FGF2: variants seen among roughly 807,000 people sequenced by gnomAD.
FGF2 encodes basic fibroblast growth factor bFGF.
FGF2 carries 13 observed loss-of-function variants against 15.9 expected under a neutral mutation model. The observed-to-expected ratio is 0.82, with a 90% CI of 0.53 to 1.30. FGF2 has a LOEUF of 1.30. FGF2 is among the 50% of genes most tolerant of loss of function. The pLI, the probability that FGF2 is intolerant of heterozygous loss-of-function variation, is 0.00. For synonymous variants in FGF2, 90 were observed against 78.4 expected, an observed-to-expected ratio of 1.15 and a Z score of -0.78; for missense variants, 163 against 196.9, an observed-to-expected ratio of 0.83 and a Z score of 1.03.
At chr4:122,885,306 C>A (rs1727034128) in intron 2 of FGF2, among the ~76,000 whole-genome samples, 1 of 152,144 alleles carries the variant, frequency 6.6e-6, no homozygotes, top group South Asian at 2.1e-4. Context: ...ATGTGCCAAG[C>A]ACTGATACAG....
At chr4:122,875,170 C>A (rs373166607) in intron 1 of FGF2, among the ~76,000 whole-genome samples, 3 of 152,034 alleles carry the variant, frequency 2.0e-5, no homozygotes, top group South Asian at 4.2e-4. Flanking sequence ...CTCTGAATAG[C>A]AAAATAATCT....
At position 122,830,351 on chromosome 4, in the gene FGF2, TC is replaced by T. The variant is rs1578446625; in HGVS notation, c.178+3000del. Among the ~76,000 whole-genome samples, 13 of 152,204 alleles carry T rather than the reference TC, an allele frequency of 8.5e-5. No individual in the cohort carries two copies. In the South Asian group the frequency reaches 2.7e-3, roughly 32 times the overall value. ...TGAGGTAGGAAAGAGAGGAAAATTT[TC>T]TAAAAGAAGAGGTAGGAGAAGATGA... On this transcript the variant is annotated intron_variant, in intron 1 of 2. Coordinates refer to ENST00000644866, the MANE Select transcript of FGF2 (RefSeq NM_001361665.2).
At chr4:122,839,502 G>A (rs925331052) in intron 1 of FGF2, among the ~76,000 whole-genome samples, 3 of 152,148 alleles carry the variant, frequency 2.0e-5, no homozygotes, top group African/African-American at 7.2e-5. Context: ...TAGATAAAGA[G>A]ATACCAAGAA....
intron 1 of FGF2, among the ~76,000 whole-genome samples, chr4:122,865,561 A>G (rs1257210437): frequency 6.6e-6 from 1 of 152,200 alleles, no homozygotes; most frequent in Non-Finnish European, 1.5e-5. Flanking sequence ...CTGAGATTAT[A>G]GGCATGAACC....
chr4:122,847,564 G>A (rs1726137762), intron 1 of FGF2, among the ~76,000 whole-genome samples: 2 of 152,336 alleles, frequency 1.3e-5, no homozygotes, highest in East Asian at 3.9e-4. Flanking sequence ...GCTTGTTTCA[G>A]TCTGGGCTTT....
chr4:122,831,461 A>G (rs1725764558), intron 1 of FGF2, among the ~76,000 whole-genome samples: 1 of 152,106 alleles, frequency 6.6e-6, no homozygotes, highest in South Asian at 2.1e-4. Context: ...TTAATAATAC[A>G]CGTACTAGAT....
chr4:122,869,985 T>C (rs1726696389), intron 1 of FGF2, among the ~76,000 whole-genome samples: 1 of 152,218 alleles, frequency 6.6e-6, no homozygotes, highest in African/African-American at 2.4e-5. Context: ...CAAATAGCTC[T>C]TATTATTTTG....
intron 2 of FGF2, among the ~76,000 whole-genome samples, chr4:122,888,003 G>A (rs930685054): frequency 2.0e-5 from 3 of 152,162 alleles, no homozygotes; most frequent in African/African-American, 4.8e-5. Context: ...TGTGTCTGTT[G>A]CATAGTAGGT....
At chr4:122,873,107 A>G (rs1027914787) in intron 1 of FGF2, among the ~76,000 whole-genome samples, 1 of 152,194 alleles carries the variant, frequency 6.6e-6, no homozygotes, top group South Asian at 2.1e-4. Context: ...TAGTTTTAAA[A>G]TATTTCATTT....
intron 2 of FGF2, chr4:122,882,263 T>C (rs760153389): frequency 1.2e-4 from 18 of 152,224 alleles, no homozygotes; most frequent in African/African-American, 3.6e-4. Flanking sequence ...TATTGATTCA[T>C]TGACAATGAT....
At chr4:122,866,236 C>T (rs1399274034) in intron 1 of FGF2, among the ~76,000 whole-genome samples, 6 of 151,986 alleles carry the variant, frequency 3.9e-5, no homozygotes, top group Admixed American at 2.0e-4. Context: ...GGCGTGGTGG[C>T]GGGCGCCTGT....
At chr4:122,872,336 G>C (rs1726758269) in intron 1 of FGF2, among the ~76,000 whole-genome samples, 2 of 151,922 alleles carry the variant, frequency 1.3e-5, no homozygotes, top group Admixed American at 6.6e-5. Flanking sequence ...GAAAGAATGT[G>C]AAGGAATGAA....
chr4:122,874,384 A>G (rs1726797691), intron 1 of FGF2, among the ~76,000 whole-genome samples: 2 of 152,342 alleles, frequency 1.3e-5, no homozygotes, highest in South Asian at 4.1e-4. Context: ...AAGATTTTGT[A>G]GAAGAATTTC....
chr4:122,872,859 G>A (rs751036373), intron 1 of FGF2, among the ~76,000 whole-genome samples: 1 of 152,126 alleles, frequency 6.6e-6, no homozygotes, highest in South Asian at 2.1e-4. Context: ...CTGCCTTACC[G>A]GAGCTCCTGA....
chr4:122,893,344 A>C lies in FGF2; in HGVS notation c.*948A>C. 1.1e-6 allele frequency: 1 copy of C among 916,646 alleles called. No individual in the cohort carries two copies. The highest frequency in any genetic ancestry group is 2.3e-5 in the South Asian group (1 of 43,102). 56.8% of individuals were successfully genotyped at this position (916,646 alleles called of 1,614,324 possible). A position where few individuals can be genotyped will look rare whatever the true frequency, so the allele number is the denominator to read the frequency against. On this transcript the variant is annotated 3_prime_UTR_variant, in exon 3 of 3. Transcript: ENST00000644866. The stretch of plus-strand genomic sequence containing the variant: ...GCTCAAAACATTACCCTAACAAAGT[A>C]AAGTTTTCAATACAAATTCTTTGCC...
At chr4:122,840,461 T>A (rs1342202260) in intron 1 of FGF2, 1 of 152,326 alleles carries the variant, frequency 6.6e-6, no homozygotes, top group Non-Finnish European at 1.5e-5. Flanking sequence ...AAGAAGTTTG[T>A]CATTTGAAAC....
rs115108509 is a variant in FGF2 at position 122,881,874 on chromosome 4, A to T, written c.282+5450A>T. On this transcript the variant is annotated intron_variant, in intron 2 of 2. Transcript: ENST00000644866. ...TAAAAGACATACCCAAGACTAGGCA[A>T]TTTACAAAAGAAGAGGTTTAATTGG... The T allele has an allele frequency of 7.6e-3, 1,190 of 156,800 alleles. 19 individuals are homozygous for T. The highest frequency in any genetic ancestry group is 0.027 in the African/African-American group (1,114 of 41,620). 9.7% of individuals were successfully genotyped at this position (156,800 alleles called of 1,614,324 possible).
chr4:122,831,242 G>A (rs928217413), intron 1 of FGF2, among the ~76,000 whole-genome samples: 7 of 152,172 alleles, frequency 4.6e-5, no homozygotes, highest in African/African-American at 1.7e-4. Flanking sequence ...CCATCCCTCA[G>A]CCTCAGTGCG....
At chr4:122,859,677 A>C (rs80205018) in intron 1 of FGF2, among the ~76,000 whole-genome samples, 4,946 of 150,800 alleles carry the variant, frequency 0.033, 272 homozygotes, top group African/African-American at 0.11. Flanking sequence ...CACACACACA[A>C]AAGATCTATA....
Sources: gnomAD v4.1 joint callset for allele counts (sites outside exome capture counted in the v4.1 genomes callset) on GRCh38, gnomAD v4.1.1 for gene constraint, MANE v1.5 for transcripts, NCBI Gene and HGNC (gene_info 2026-07-23, HGNC 2026-07-21) for gene names.